The following C12orf56 variants were observed in gnomAD, a reference collection of about 807,000 sequenced individuals.
C12orf56 encodes the protein uncharacterized protein C12orf56.
A neutral mutation model predicts 69.9 loss-of-function variants in C12orf56; 71 were observed. The observed-to-expected ratio is 1.02, with a 90% CI of 0.84 to 1.24. The LOEUF (loss-of-function observed/expected upper bound fraction) is 1.24, where lower values mean the gene tolerates loss of function less well. Ranked by LOEUF, C12orf56 falls within the 50% of genes most tolerant of loss-of-function variation. The pLI is 0.00. For synonymous variants in C12orf56, 276 were observed against 274.1 expected (o/e 1.01, Z -0.07); for missense variants, 732 against 738.5 (o/e 0.99, Z 0.10).
chr12:64,341,610 G>A (rs2039075463), intron 2 of C12orf56, among the ~76,000 whole-genome samples: 1 of 152,190 alleles, frequency 6.6e-6, no homozygotes. Context: ...ATACCATGAA[G>A]GTGGGTAAGG....
chr12:64,382,289 A>G (rs1450442136), intron 1 of C12orf56, among the ~76,000 whole-genome samples: 2 of 150,976 alleles, frequency 1.3e-5, no homozygotes, highest in Non-Finnish European at 3.0e-5. Context: ...AAAAGAATAA[A>G]TGAGATGACA....
rs35488127 is a variant in C12orf56 at position 64,308,940 on chromosome 12, G to GAAAGAAAGAAAA, written c.968+3738_968+3739insTTTTCTTTCTTT. Among the ~76,000 whole-genome samples, 128 of 80,870 alleles carry GAAAGAAAGAAAA rather than the reference G, an allele frequency of 1.6e-3. 1 individual carries two copies. The highest frequency in any genetic ancestry group is 5.0e-3 in the African/African-American group (108 of 21,788). 53.1% of individuals were successfully genotyped at this position (80,870 alleles called of 152,430 possible). ...AGAAAGAAAGAAAGAAAGAAAGAAA[G>GAAAGAAAGAAAA]AAGAAAGAAAGAAAGAAAGAAAGAA... On this transcript the variant is annotated intron_variant, in intron 5 of 12. Transcript: ENST00000543942.
intron 3 of C12orf56, among the ~76,000 whole-genome samples, chr12:64,327,623 A>G (rs1434525478): frequency 2.0e-5 from 3 of 152,234 alleles, no homozygotes; most frequent in Non-Finnish European, 4.4e-5. Context: ...GTACCACACA[A>G]ATGCCAGTAG....
At chr12:64,386,457 C>T (rs927239466) in intron 1 of C12orf56, among the ~76,000 whole-genome samples, 26 of 149,992 alleles carry the variant, frequency 1.7e-4, no homozygotes, top group African/African-American at 5.2e-4. Flanking sequence ...AGTGCAATGG[C>T]GCAATCTTGG....
At chr12:64,280,789 AG>A (rs537367186) in intron 8 of C12orf56, among the ~76,000 whole-genome samples, 113 of 152,308 alleles carry the variant, frequency 7.4e-4, no homozygotes, top group African/African-American at 2.5e-3. Flanking sequence ...CAAATGAGCT[AG>A]GAAGAGTCCC....
intron 3 of C12orf56, among the ~76,000 whole-genome samples, chr12:64,321,982 A>T (rs987140164): frequency 2.0e-5 from 3 of 148,152 alleles, no homozygotes; most frequent in Admixed American, 1.4e-4. Flanking sequence ...CTTTTCATTA[A>T]TTTTTTTTTA....
intron 3 of C12orf56, among the ~76,000 whole-genome samples, chr12:64,327,102 C>T (rs965526011): frequency 3.9e-5 from 6 of 152,198 alleles, no homozygotes; most frequent in South Asian, 2.1e-4. Flanking sequence ...CTAGGAACTC[C>T]GCTGAGTGTC....
chr12:64,338,247 G>C, intron 2 of C12orf56: 1 of 543,796 alleles, frequency 1.8e-6, no homozygotes, highest in South Asian at 1.5e-5. Flanking sequence ...TGGACTATGA[G>C]ATCCAGCTGG....
intron 1 of C12orf56, among the ~76,000 whole-genome samples, chr12:64,389,624 G>A (rs543373664): frequency 6.6e-6 from 1 of 152,102 alleles, no homozygotes; most frequent in Admixed American, 6.6e-5. Context: ...AGCCTCCCAA[G>A]TAGTTGGGAT....
intron 1 of C12orf56, among the ~76,000 whole-genome samples, chr12:64,364,316 T>TA (rs913899363): frequency 1.9e-3 from 280 of 149,230 alleles, no homozygotes; most frequent in African/African-American, 5.9e-3. Flanking sequence ...TTCTTAAATT[T>TA]AAAAAAAAAA....
chr12:64,323,101 A>G (rs1361976580), intron 3 of C12orf56, among the ~76,000 whole-genome samples: 1 of 152,202 alleles, frequency 6.6e-6, no homozygotes, highest in Non-Finnish European at 1.5e-5. Flanking sequence ...TGTGAATTTA[A>G]GACAGTCAGT....
intron 2 of C12orf56, among the ~76,000 whole-genome samples, chr12:64,343,843 C>T (rs1379949558): frequency 6.6e-6 from 1 of 152,184 alleles, no homozygotes; most frequent in Non-Finnish European, 1.5e-5. Context: ...CTAATGGCTT[C>T]CATTTGGCCT....
chr12:64,315,372 A>G (rs1276919858), intron 4 of C12orf56, among the ~76,000 whole-genome samples: 3 of 151,666 alleles, frequency 2.0e-5, no homozygotes, highest in African/African-American at 7.3e-5. Flanking sequence ...CCTTAAATCC[A>G]GAATTTTAAT....
At chr12:64,355,383 A>G (rs2039297310) in intron 1 of C12orf56, among the ~76,000 whole-genome samples, 1 of 152,228 alleles carries the variant, frequency 6.6e-6, no homozygotes, top group Non-Finnish European at 1.5e-5. Context: ...TGAAATCACC[A>G]CTCAACTTTC....
intron 6 of C12orf56, among the ~76,000 whole-genome samples, chr12:64,297,642 G>A (rs1038158418): frequency 1.3e-5 from 2 of 152,120 alleles, no homozygotes; most frequent in African/African-American, 4.8e-5. Flanking sequence ...AACATGTTTG[G>A]TTTTCTGTTC....
intron 3 of C12orf56, among the ~76,000 whole-genome samples, chr12:64,325,603 G>A (rs937702889): frequency 6.6e-6 from 1 of 152,090 alleles, no homozygotes; most frequent in African/African-American, 2.4e-5. Context: ...GTCCTTCTGA[G>A]CTTCGGGATT....
chr12:64,331,081 A>C, intron 2 of C12orf56, 49 bp from the exon 3 acceptor site: 1 of 1,412,210 alleles, frequency 7.1e-7, no homozygotes, highest in Non-Finnish European at 9.7e-7. Flanking sequence ...ATTTGATTGA[A>C]ATTATGAAGA....
chr12:64,315,471 A>G (rs771361890), intron 4 of C12orf56, among the ~76,000 whole-genome samples: 33 of 152,192 alleles, frequency 2.2e-4, no homozygotes, highest in Non-Finnish European at 4.0e-4. Context: ...TACAGAATTT[A>G]AGGCGCTAAA....
At chr12:64,339,123 C>T (rs1346926590) in intron 2 of C12orf56, among the ~76,000 whole-genome samples, 2 of 152,142 alleles carry the variant, frequency 1.3e-5, no homozygotes, top group African/African-American at 2.4e-5. Context: ...TCAGGCCTGT[C>T]GGCTTCTTTG....
Sources: gnomAD v4.1 joint callset for allele counts (sites outside exome capture counted in the v4.1 genomes callset) on GRCh38, gnomAD v4.1.1 for gene constraint, MANE v1.5 for transcripts, NCBI Gene and HGNC (gene_info 2026-07-23, HGNC 2026-07-21) for gene names.